TLN2: variants seen among roughly 807,000 people sequenced by gnomAD.
TLN2 encodes the protein talin 2.
A neutral mutation model predicts 294.7 loss-of-function variants in TLN2; 118 were observed. The ratio of observed to expected loss-of-function variants is 0.40; its 90% CI spans 0.34 to 0.47. The LOEUF (loss-of-function observed/expected upper bound fraction) is 0.47, where lower values mean the gene tolerates loss of function less well. TLN2 is among the 20% of genes least tolerant of loss of function. TLN2 has a pLI of 0.84. For synonymous variants in TLN2, 1,431 were observed against 1,304.5 expected, an observed-to-expected ratio of 1.10 and a Z score of -2.09; for missense variants, 3,083 against 3,282.2, an observed-to-expected ratio of 0.94 and a Z score of 1.48.
intron 1 of TLN2, among the ~76,000 whole-genome samples, chr15:62,542,588 A>G (rs1380738346): frequency 1.3e-5 from 2 of 152,204 alleles, no homozygotes; most frequent in Non-Finnish European, 2.9e-5. Context: ...TTGCAAGTAA[A>G]AGAAGACCTA....
intron 1 of TLN2, among the ~76,000 whole-genome samples, chr15:62,425,207 C>A (rs903648359): frequency 2.0e-5 from 3 of 152,154 alleles, no homozygotes; most frequent in Non-Finnish European, 4.4e-5. Flanking sequence ...CTTGCCTCTG[C>A]CTCCTGAAGT....
intron 12 of TLN2, among the ~76,000 whole-genome samples, chr15:62,692,549 C>CTTG (rs2058010512): frequency 6.6e-6 from 1 of 152,170 alleles, no homozygotes; most frequent in Non-Finnish European, 1.5e-5. Context: ...GTTCAGGCCT[C>CTTG]TACAACTCTT....
At chr15:62,742,288 C>T (rs979963589) in intron 32 of TLN2, among the ~76,000 whole-genome samples, 1 of 151,996 alleles carries the variant, frequency 6.6e-6, no homozygotes, top group Non-Finnish European at 1.5e-5. Flanking sequence ...GGGGTGATGT[C>T]TGTTCTGTTG....
At chr15:62,740,857 T>C in intron 32 of TLN2, 88 bp downstream of exon 32, 1 of 1,559,180 alleles carries the variant, frequency 6.4e-7, no homozygotes, top group Non-Finnish European at 8.7e-7. Context: ...CCACTTTTGC[T>C]GAGCAAAAGA....
At chr15:62,704,099 C>G (rs8038235) in intron 19 of TLN2, among the ~76,000 whole-genome samples, 144,032 of 152,238 alleles carry the variant, frequency 0.95, 68,592 homozygotes, top group Non-Finnish European at 1. Context: ...TTTAGGAATT[C>G]TACAGAATTT....
chr15:62,556,017 G>A (rs2042585504), intron 1 of TLN2, among the ~76,000 whole-genome samples: 1 of 146,866 alleles, frequency 6.8e-6, no homozygotes, highest in Non-Finnish European at 1.5e-5. Context: ...TGAGATGCTC[G>A]TTGACTTAAC....
chr15:62,659,156 C>T (rs1323744573), intron 9 of TLN2, among the ~76,000 whole-genome samples: 1 of 152,080 alleles, frequency 6.6e-6, no homozygotes, highest in African/African-American at 2.4e-5. Context: ...TCTCCATAGC[C>T]CAGGGGCAAC....
intron 1 of TLN2, among the ~76,000 whole-genome samples, chr15:62,419,561 TC>T (rs1465218651): frequency 6.6e-6 from 1 of 150,834 alleles, no homozygotes; most frequent in African/African-American, 2.4e-5. Context: ...AGCACCTTTT[TC>T]TAGAAAGGTT....
intron 47 of TLN2, 122 bp downstream of exon 47, chr15:62,796,415 C>T: frequency 8.3e-7 from 1 of 1,198,020 alleles, no homozygotes; most frequent in South Asian, 1.6e-5. Context: ...CAACAAGATG[C>T]ACAAGTTGGG....
chr15:62,750,608 G>A (rs2061878682), intron 34 of TLN2, 117 bp downstream of exon 34: 2 of 839,970 alleles, frequency 2.4e-6, no homozygotes, highest in Non-Finnish European at 4.0e-6. Flanking sequence ...GCCACATGTA[G>A]CATGAAGCCT....
chr15:62,800,653 G>A lies in TLN2; in HGVS notation c.6361G>A (p.Val2121Met), dbSNP rs765769530. The A allele has an allele frequency of 6.8e-6, 11 of 1,614,192 alleles. No individual in the cohort carries two copies. Among genetic ancestry groups the A allele is most frequent in the Non-Finnish European group, 9.3e-6 (11 of 1,180,012 alleles). ...GTATTCATTCTCCCTTCCTATGCAG[G>A]TGATGGTGACCAATGTCACCTCGCT... is the stretch of plus-strand genomic sequence containing the variant. Reference protein sequence around the residue: ...SMYQLKGAAKVMVTNVTSLLK... With the variant: ...SMYQLKGAAKMMVTNVTSLLK... Residue 2121 changes from valine (V) to methionine (M), a missense_variant and splice_region_variant, in exon 50 of 59, where the codon GTG (valine) becomes ATG (methionine). Physicochemically the swap from Val to Met is conservative, Grantham distance 21 (BLOSUM62 1). Coordinates refer to ENST00000636159, the MANE Select transcript of TLN2 (RefSeq NM_015059.3).
At chr15:62,740,245 G>A (rs2061252278) in intron 31 of TLN2, among the ~76,000 whole-genome samples, 1 of 152,168 alleles carries the variant, frequency 6.6e-6, no homozygotes, top group South Asian at 2.1e-4. Flanking sequence ...AGGCCGAGAT[G>A]TACAGCTCCT....
At chr15:62,749,785 C>G (rs1365755952) in intron 33 of TLN2, among the ~76,000 whole-genome samples, 4 of 152,352 alleles carry the variant, frequency 2.6e-5, no homozygotes, top group African/African-American at 7.2e-5. Context: ...CATGACAGAG[C>G]TAGCCATGGT....
intron 1 of TLN2, among the ~76,000 whole-genome samples, chr15:62,565,910 C>CTG (rs71718001): frequency 0.09 from 13,316 of 148,358 alleles, 624 homozygotes; most frequent in African/African-American, 0.13. Context: ...TGTTTACTAG[C>CTG]TGTGTGTGTG....
At chr15:62,657,391 G>A (rs370594809) in intron 8 of TLN2, among the ~76,000 whole-genome samples, 1 of 152,100 alleles carries the variant, frequency 6.6e-6, no homozygotes, top group East Asian at 1.9e-4. Flanking sequence ...TGATTAGCTA[G>A]CTTTGTGATT....
In TLN2 at chr15:62,781,231, C is replaced by T. The variant is rs146289948; in HGVS notation, c.5606C>T (p.Ala1869Val). The change falls in exon 44 of 59, where the codon GCT (alanine) becomes GTT (valine). Residue 1869 changes from alanine to valine, a missense_variant. Ala to Val is a moderately conservative substitution (Grantham distance 64). Coordinates refer to ENST00000636159, the MANE Select transcript of TLN2 (RefSeq NM_015059.3). ...TACTCCAAAGCCATTGCGGTGACAGCTCAGGAAATGGTAAGAGGGAAGAGA... is the reference window on the plus strand; with the variant it reads ...TACTCCAAAGCCATTGCGGTGACAGTTCAGGAAATGGTAAGAGGGAAGAGA... ...VKYSKAIAVT[A>V]QEMMTKSVTN... 5 of 1,613,606 alleles carry T rather than the reference C, an allele frequency of 3.1e-6. No homozygotes were observed. Among genetic ancestry groups the T allele is most frequent in the Non-Finnish European group, 4.2e-6 (5 of 1,179,706 alleles).
chr15:62,799,033 C>T (rs554370553), intron 48 of TLN2, among the ~76,000 whole-genome samples: 1 of 152,218 alleles, frequency 6.6e-6, no homozygotes, highest in Non-Finnish European at 1.5e-5. Flanking sequence ...AATACGTTGT[C>T]ACATCTGAGA....
intron 51 of TLN2, 104 bp from the exon 52 acceptor site, chr15:62,809,821 G>C (rs2066555458): frequency 9.4e-7 from 1 of 1,069,096 alleles, no homozygotes; most frequent in African/African-American, 1.6e-5. Flanking sequence ...AGTCAGGGCA[G>C]TTTCTTGAGG....
At position 62,755,818 on chromosome 15, in the gene TLN2, T is replaced by C. The variant is rs140922231; in HGVS notation, c.4638+125T>C. 4.2e-4 allele frequency: 553 copies of C among 1,309,684 alleles called. 1 individual carries two copies. The highest frequency in any genetic ancestry group is 5.2e-4 in the Non-Finnish European group (499 of 963,462). The allele number at this position is 1,309,684 out of a possible 1,614,324, so 81.1% of individuals were successfully genotyped here. A position where few individuals can be genotyped will look rare whatever the true frequency, so the allele number is the denominator to read the frequency against. ...AAGCTTAACTTCTAATTCAGTCTTATGGTTTGTGTCACTGAATAGGCATCC... is the reference window on the plus strand; with the variant it reads ...AAGCTTAACTTCTAATTCAGTCTTACGGTTTGTGTCACTGAATAGGCATCC... On this transcript the variant is annotated intron_variant, in intron 37 of 58. Transcript: ENST00000636159.
Sources: allele counts gnomAD v4.1 joint callset (sites outside exome capture counted in the v4.1 genomes callset), GRCh38; gene constraint gnomAD v4.1.1; transcripts MANE v1.5; gene names NCBI Gene and HGNC (gene_info 2026-07-23, HGNC 2026-07-21).